The following SLIT2 variants were observed in gnomAD, a reference collection of about 807,000 sequenced individuals.
SLIT2 encodes the protein slit homolog 2 protein.
In SLIT2, 41 loss-of-function variants were observed where a neutral mutation model predicts 185.7. That is an observed-to-expected ratio of 0.22 (90% CI 0.17 to 0.29). SLIT2 has a LOEUF of 0.29. SLIT2 is among the 10% of genes least tolerant of loss of function. The pLI is 1.00. For synonymous variants in SLIT2, 693 were observed against 680.2 expected (o/e 1.02, Z -0.29); for missense variants, 1,571 against 1,909.0 (o/e 0.82, Z 3.30).
At chr4:20,587,122 G>A (rs928962410) in intron 29 of SLIT2, among the ~76,000 whole-genome samples, 18 of 151,722 alleles carry the variant, frequency 1.2e-4, no homozygotes, top group Non-Finnish European at 1.9e-4. Flanking sequence ...GGGTTCAAGC[G>A]ATTCTCCTGC....
At chr4:20,598,480 G>A in intron 33 of SLIT2, 85 bp downstream of exon 33, 1 of 1,512,944 alleles carries the variant, frequency 6.6e-7, no homozygotes, top group Non-Finnish European at 9.1e-7. Flanking sequence ...TTATGGAGAG[G>A]AGAGAGACTA....
intron 17 of SLIT2, 74 bp from the exon 18 acceptor site, chr4:20,533,498 A>C: frequency 1.7e-6 from 2 of 1,188,846 alleles, no homozygotes; most frequent in South Asian, 2.8e-5. Flanking sequence ...ATTAGAAGAA[A>C]ATTATCAACT....
intron 3 of SLIT2, among the ~76,000 whole-genome samples, chr4:20,262,783 G>T (rs558285106): frequency 2.6e-5 from 4 of 151,962 alleles, no homozygotes; most frequent in African/African-American, 7.2e-5. Context: ...GTTTACTGAC[G>T]CTGGTCATAG....
At chr4:20,289,053 T>C (rs1192866620) in intron 4 of SLIT2, among the ~76,000 whole-genome samples, 2 of 152,130 alleles carry the variant, frequency 1.3e-5, no homozygotes, top group African/African-American at 4.8e-5. Context: ...GTTGTGTAAG[T>C]GAATCAGGTC....
intron 5 of SLIT2, among the ~76,000 whole-genome samples, 172 bp downstream of exon 5, chr4:20,467,995 G>A (rs1184341722): frequency 6.6e-6 from 1 of 152,108 alleles, no homozygotes; most frequent in Non-Finnish European, 1.5e-5. Context: ...GCTGTTTGAC[G>A]AGATGCTCAT....
intron 5 of SLIT2, among the ~76,000 whole-genome samples, chr4:20,477,718 T>A (rs758405772): frequency 7.2e-5 from 11 of 152,232 alleles, no homozygotes; most frequent in Non-Finnish European, 1.3e-4. Context: ...CTTATGATAC[T>A]TCTGCCCTTA....
chr4:20,309,933 G>C (rs928329784), intron 4 of SLIT2, among the ~76,000 whole-genome samples: 1 of 151,658 alleles, frequency 6.6e-6, no homozygotes, highest in African/African-American at 2.4e-5. Context: ...CTAATTTTTT[G>C]TATTTTTTTA....
At chr4:20,393,359 C>A (rs1397108720) in intron 4 of SLIT2, 1 of 151,990 alleles carries the variant, frequency 6.6e-6, no homozygotes, top group African/African-American at 2.4e-5. Flanking sequence ...GAATCCTGAC[C>A]CTTGGGAATG....
chr4:20,502,538 A>G (rs1718835722), intron 9 of SLIT2, among the ~76,000 whole-genome samples: 1 of 152,186 alleles, frequency 6.6e-6, no homozygotes, highest in Admixed American at 6.5e-5. Flanking sequence ...GTGCACAAAA[A>G]ACAAAGAGAG....
At chr4:20,556,134 C>G (rs552658886) in intron 26 of SLIT2, among the ~76,000 whole-genome samples, 4 of 151,746 alleles carry the variant, frequency 2.6e-5, no homozygotes, top group Admixed American at 2.0e-4. Flanking sequence ...GCATTGATTG[C>G]AAGAATTTTT....
At chr4:20,405,692 G>C (rs951538868) in intron 4 of SLIT2, among the ~76,000 whole-genome samples, 1 of 151,798 alleles carries the variant, frequency 6.6e-6, no homozygotes. Context: ...TTCCATAAGA[G>C]ATGTTATTTG....
chr4:20,330,705 A>AT (rs11415966), intron 4 of SLIT2, among the ~76,000 whole-genome samples: 131,440 of 151,556 alleles, frequency 0.87, 57,179 homozygotes, highest in African/African-American at 0.92. Flanking sequence ...TGGGAATGGT[A>AT]TTTTTTTTCC....
intron 4 of SLIT2, among the ~76,000 whole-genome samples, chr4:20,409,540 A>G (rs992552630): frequency 2.0e-5 from 3 of 152,132 alleles, no homozygotes; most frequent in African/African-American, 2.4e-5. Flanking sequence ...ATACATGTGC[A>G]TGTATCTTTA....
At chr4:20,383,637 T>C (rs1392914716) in intron 4 of SLIT2, among the ~76,000 whole-genome samples, 1 of 152,202 alleles carries the variant, frequency 6.6e-6, no homozygotes, top group Non-Finnish European at 1.5e-5. Flanking sequence ...ATGGTTCATT[T>C]ATATTGGAAG....
At chr4:20,267,788 T>C (rs1379091197) in intron 3 of SLIT2, among the ~76,000 whole-genome samples, 1 of 151,862 alleles carries the variant, frequency 6.6e-6, no homozygotes, top group African/African-American at 2.4e-5. Context: ...CTGTCCCTTT[T>C]ACTATTTATC....
At chr4:20,282,988 G>A (rs1022958841) in intron 4 of SLIT2, among the ~76,000 whole-genome samples, 16 of 152,076 alleles carry the variant, frequency 1.1e-4, no homozygotes, top group African/African-American at 3.6e-4. Flanking sequence ...AGGTGAACTC[G>A]GCATTCTGTT....
chr4:20,596,361 T>C, intron 31 of SLIT2, 54 bp from the exon 32 acceptor site: 1 of 1,548,368 alleles, frequency 6.5e-7, no homozygotes, highest in Non-Finnish European at 8.8e-7. Flanking sequence ...TCAATTCAGA[T>C]TGGCAATTAA....
chr4:20,429,474 G>C (rs1728805934), intron 4 of SLIT2, among the ~76,000 whole-genome samples: 1 of 152,054 alleles, frequency 6.6e-6, no homozygotes, highest in African/African-American at 2.4e-5. Flanking sequence ...CAAGTTTTCT[G>C]TCTTCTTGGC....
At chr4:20,446,667 A>G (rs560366916) in intron 4 of SLIT2, among the ~76,000 whole-genome samples, 51 of 152,354 alleles carry the variant, frequency 3.3e-4, no homozygotes, top group African/African-American at 1.1e-3. Flanking sequence ...ATAAATGGCT[A>G]TGTCAGAGAA....
Sources: allele counts gnomAD v4.1 joint callset (sites outside exome capture counted in the v4.1 genomes callset), GRCh38; gene constraint gnomAD v4.1.1; transcripts MANE v1.5; gene names NCBI Gene and HGNC (gene_info 2026-07-23, HGNC 2026-07-21).